The following HDAC3 variants were observed in gnomAD, a reference collection of about 807,000 sequenced individuals.
HDAC3 encodes the protein SMAP45.
Under a neutral mutation model 62.3 loss-of-function variants are expected in HDAC3, and 21 were observed. That is an observed-to-expected ratio of 0.34 (90% confidence interval 0.24 to 0.49). The LOEUF is 0.49. HDAC3 is among the 20% of genes least tolerant of loss of function. The pLI, the probability that HDAC3 is intolerant of heterozygous loss-of-function variation, is 0.99. For missense variants in HDAC3, 270 were observed against 556.9 expected (o/e 0.48, Z 5.19); for synonymous variants, 198 against 206.5 (o/e 0.96, Z 0.35).
rs997582163 is a variant in HDAC3, at chr5:141,629,404, C to G, written c.477-98G>C. ...TCGAATTGTGAAGAGTCTGCTTCTG[C>G]CCTGGTCACCTGAAACTTAATGTCA... On this transcript the variant is annotated intron_variant, in intron 6 of 14. Coordinates refer to ENST00000305264, the MANE Select transcript of HDAC3 (RefSeq NM_003883.4). This position sits in a 1 kb window ranked among gnomAD's most constrained non-coding sequence, Gnocchi z 5.3. 6.6e-7 allele frequency: 1 copy of G among 1,525,696 alleles called. No individual in the cohort carries two copies. The highest frequency in any genetic ancestry group is 9.0e-7 in the Non-Finnish European group (1 of 1,113,162). The allele number at this position is 1,525,696 out of a possible 1,614,324, so 94.5% of individuals were successfully genotyped here. A position where few individuals can be genotyped will look rare whatever the true frequency, so the allele number is the denominator to read the frequency against.
intron 2 of HDAC3, 48 bp downstream of exon 2, chr5:141,636,500 C>T (rs1011529257): frequency 9.6e-6 from 15 of 1,561,514 alleles, no homozygotes; most frequent in Non-Finnish European, 1.3e-5. Context: ...TCCCTACGGC[C>T]ACAGCTCGCC....
rs2099904850 is a variant in HDAC3 at position 141,629,019 on chromosome 5, G to T, written c.610+154C>A. Among the ~76,000 whole-genome samples the T allele has an allele frequency of 6.6e-6, 1 of 152,162 alleles. No individual in the cohort carries two copies. The highest frequency in any genetic ancestry group is 1.5e-5 in the Non-Finnish European group (1 of 68,034). On this transcript the variant is annotated intron_variant, in intron 7 of 14. Transcript: ENST00000305264. The surrounding 1 kb of genome is among the most constrained non-coding windows in gnomAD (Gnocchi z 5.3). ...GAAACAATGAGGCTGATGTAACAGA[G>T]GAATGGGGAAGGAGGTGATTATGAT...
rs1273611442 is a variant in HDAC3, at chr5:141,626,096, C to G, written c.921-25G>C. The stretch of plus-strand genomic sequence containing the variant: ...CCTGAAACCAACCAGCAGAGGGGAG[C>G]AGGCTGACCAAGTGGGCTGAAGGAC... On this transcript the variant is annotated intron_variant, in intron 11 of 14. Transcript: ENST00000305264. The surrounding 1 kb of genome is among the most constrained non-coding windows in gnomAD (Gnocchi z 4.6). 1 of 1,613,028 alleles carries G rather than the reference C, an allele frequency of 6.2e-7. No individual in the cohort carries two copies.
At chr5:141,633,063 T>C (rs1242476150) in intron 3 of HDAC3, among the ~76,000 whole-genome samples, 1 of 152,238 alleles carries the variant, frequency 6.6e-6, no homozygotes, top group East Asian at 1.9e-4. Flanking sequence ...AAAAGGTCTA[T>C]TATAATACAT....
chr5:141,632,672 T>A (rs529926912), intron 3 of HDAC3, among the ~76,000 whole-genome samples: 1 of 152,328 alleles, frequency 6.6e-6, no homozygotes, highest in South Asian at 2.1e-4. Context: ...AAACAGCATG[T>A]GACTGAACAC....
At chr5:141,633,695 A>G (rs1396469952) in intron 3 of HDAC3, among the ~76,000 whole-genome samples, 1 of 151,734 alleles carries the variant, frequency 6.6e-6, no homozygotes, top group Non-Finnish European at 1.5e-5. Context: ...GCATGGTGGC[A>G]GGCGCCTGTA....
At chr5:141,635,673 T>C (rs1311503129) in intron 2 of HDAC3, among the ~76,000 whole-genome samples, 1 of 152,262 alleles carries the variant, frequency 6.6e-6, no homozygotes, top group Non-Finnish European at 1.5e-5. Context: ...CTGCTGATCA[T>C]AGATCACTGT....
rs768403725 is a variant in HDAC3 at position 141,636,815 on chromosome 5, A to C, written c.-25T>G. ...TGGTGCCGGCGGGAGCAGGCCCCGC[A>C]CCTCCGCCGCCCGCCGCCCGCGGCC... On this transcript the variant is annotated 5_prime_UTR_variant, in exon 1 of 15. Transcript: ENST00000305264. The C allele has an allele frequency of 6.6e-7, 1 of 1,509,876 alleles. No individual in the cohort carries two copies. 93.5% of individuals were successfully genotyped at this position (1,509,876 alleles called of 1,614,324 possible).
At position 141,631,267 on chromosome 5, in the gene HDAC3, A is replaced by G. The variant is rs560046437; in HGVS notation, c.282-1142T>C. The stretch of plus-strand genomic sequence containing the variant: ...CAATGGTGCGATCTCGGCTCACTGC[A>G]GCCTCCGCCTCCCGGGTTCAAGCAA... On this transcript the variant is annotated intron_variant, in intron 3 of 14. Transcript: ENST00000305264. Among the ~76,000 whole-genome samples the G allele has an allele frequency of 2.1e-3, 327 of 152,258 alleles. 2 individuals carry two copies. Among genetic ancestry groups the G allele is most frequent in the Non-Finnish European group, 4.0e-3 (274 of 68,008 alleles).
intron 2 of HDAC3, chr5:141,636,176 T>C: frequency 4.2e-6 from 1 of 236,714 alleles, no homozygotes; most frequent in Non-Finnish European, 8.5e-6. Flanking sequence ...AGGGTAAACC[T>C]CACACCCTGA....
chr5:141,626,002 G>T lies in HDAC3; in HGVS notation c.979+11C>A. ...CTTCCTGTTATGGGGGTGTTGTGGG[G>T]TGGTCCTTACCACTATAGGGAAGCT... On this transcript the variant is annotated intron_variant, in intron 12 of 14. Transcript: ENST00000305264. This position sits in a 1 kb window ranked among gnomAD's most constrained non-coding sequence, Gnocchi z 4.6. The T allele has an allele frequency of 6.2e-7, 1 of 1,608,502 alleles. No individual in the cohort carries two copies. Among genetic ancestry groups the T allele is most frequent in the Non-Finnish European group, 8.5e-7 (1 of 1,174,928 alleles).
In HDAC3 at chr5:141,620,944, G is replaced by C. The variant is rs552031880; in HGVS notation, c.*524C>G. 1 of 156,900 alleles carries C rather than the reference G, an allele frequency of 6.4e-6. No individual in the cohort carries two copies. The highest frequency in any genetic ancestry group is 1.9e-4 in the South Asian group (1 of 5,316). 9.7% of individuals were successfully genotyped at this position (156,900 alleles called of 1,614,324 possible). ...TGGTAAAATGGACATAAAGCCAAAA[G>C]TGAGAACAGAACATTTTCATATCCT... On this transcript the variant is annotated 3_prime_UTR_variant, in exon 15 of 15. Coordinates refer to ENST00000305264, the MANE Select transcript of HDAC3 (RefSeq NM_003883.4).
chr5:141,629,335 G>T lies in HDAC3; in HGVS notation c.477-29C>A, dbSNP rs368479211. On this transcript the variant is annotated intron_variant, in intron 6 of 14. Coordinates refer to ENST00000305264, the MANE Select transcript of HDAC3 (RefSeq NM_003883.4). The surrounding 1 kb of genome is among the most constrained non-coding windows in gnomAD (Gnocchi z 5.3). ...GAGGGAAGCCAAAGCCAGGGTCTGA[G>T]CTAGAAGTGAACCCCCCAACCCACT... 3 of 1,613,772 alleles carry T rather than the reference G, an allele frequency of 1.9e-6. No individual in the cohort carries two copies. The highest frequency in any genetic ancestry group is 2.5e-6 in the Non-Finnish European group (3 of 1,179,970).
chr5:141,624,919 GA>G, intron 14 of HDAC3: 6 of 321,436 alleles, frequency 1.9e-5, no homozygotes, highest in Non-Finnish European at 2.8e-5. Flanking sequence ...GCAATCTATA[GA>G]AAAAGGTCTA....
rs2099904448 is a variant in HDAC3, at chr5:141,626,562, T to C, written c.831-279A>G. 1.2e-5 allele frequency: 5 copies of C among 416,918 alleles called. No homozygotes were observed. The East Asian group carries it at 2.6e-4, about 22-fold the overall frequency. 25.8% of individuals were successfully genotyped at this position (416,918 alleles called of 1,614,324 possible). On this transcript the variant is annotated intron_variant, in intron 10 of 14. Transcript: ENST00000305264. This position sits in a 1 kb window ranked among gnomAD's most constrained non-coding sequence, Gnocchi z 4.6. ...CAACTATTCTCATCAACCCAAGTTC[T>C]GTCAATTCTAGCCTTGAAAATATAA...
At chr5:141,621,575 A>G in intron 14 of HDAC3, 38 bp from the exon 15 acceptor site, 1 of 1,554,646 alleles carries the variant, frequency 6.4e-7, no homozygotes, top group South Asian at 1.1e-5. Flanking sequence ...ATCTCACTCT[A>G]AGTTCTAATC....
intron 10 of HDAC3, 123 bp downstream of exon 10, chr5:141,627,770 C>T: frequency 1.2e-6 from 1 of 817,084 alleles, no homozygotes; most frequent in East Asian, 2.5e-5. Flanking sequence ...AGTTCAAGTA[C>T]AATTTGTAGC....
chr5:141,633,997 T>C (rs1267908048), intron 3 of HDAC3, among the ~76,000 whole-genome samples: 2 of 152,210 alleles, frequency 1.3e-5, no homozygotes, highest in African/African-American at 2.4e-5. Flanking sequence ...GTAGCTGTGA[T>C]GGTTACTATT....
intron 14 of HDAC3, among the ~76,000 whole-genome samples, chr5:141,621,985 C>A (rs185275437): frequency 1.3e-3 from 204 of 152,190 alleles, no homozygotes; most frequent in Middle Eastern, 3.4e-3. Context: ...GAAGGCCATT[C>A]CAAGCTGCAA....
Sources: gnomAD v4.1 joint callset for allele counts (sites outside exome capture counted in the v4.1 genomes callset) on GRCh38, gnomAD v4.1.1 for gene constraint, Gnocchi (gnomAD v3.1) non-coding constraint, MANE v1.5 for transcripts, NCBI Gene and HGNC (gene_info 2026-07-23, HGNC 2026-07-21) for gene names.